The following SGCD variants were observed in gnomAD, a reference collection of about 807,000 sequenced individuals.
SGCD encodes the protein delta-sarcoglycan.
In SGCD, 18 loss-of-function variants were observed where a neutral mutation model predicts 36.6. The observed-to-expected ratio is 0.49, with a 90% CI of 0.34 to 0.73. SGCD has a LOEUF of 0.73. SGCD is among the 30% of genes least tolerant of loss of function. The probability of loss-of-function intolerance (pLI) is 0.01; values close to 1 mark genes in which losing one functional copy is unlikely to be tolerated. For missense variants in SGCD, 387 were observed against 346.7 expected, an observed-to-expected ratio of 1.12 and a Z score of -0.92; for synonymous variants, 133 against 130.6, an observed-to-expected ratio of 1.02 and a Z score of -0.12.
chr5:155,732,161 C>G, the SGCD span, among the ~76,000 whole-genome samples: 19 of 152,196 alleles, frequency 1.2e-4, no homozygotes, highest in African/African-American at 4.6e-4. Flanking sequence ...AGGGCATTGC[C>G]TTCAGCATTC....
intron 3 of SGCD, among the ~76,000 whole-genome samples, chr5:156,463,073 T>C (rs1016348637): frequency 9.2e-5 from 14 of 152,222 alleles, no homozygotes; most frequent in African/African-American, 2.9e-4. Context: ...AATGACACTT[T>C]GAAAGAGTGG....
chr5:155,921,303 T>C (rs1176222758), intron 1 of SGCD, among the ~76,000 whole-genome samples: 1 of 152,080 alleles, frequency 6.6e-6, no homozygotes, highest in Non-Finnish European at 1.5e-5. Context: ...CCAGATTTTG[T>C]TAGGTGAAGA....
chr5:156,356,862 G>A (rs2127727009), intron 3 of SGCD, among the ~76,000 whole-genome samples: 1 of 152,252 alleles, frequency 6.6e-6, no homozygotes, highest in South Asian at 2.1e-4. Flanking sequence ...AAGAGGAGGA[G>A]GCAATATGAT....
chr5:155,784,416 G>A, the SGCD span, among the ~76,000 whole-genome samples: 1 of 152,184 alleles, frequency 6.6e-6, no homozygotes, highest in African/African-American at 2.4e-5. Flanking sequence ...GTGAGCCGAA[G>A]GTGTCAGTAG....
At position 155,996,942 on chromosome 5, in the gene SGCD, CAGAT is replaced by C. The variant is rs1296302812; in HGVS notation, c.-281-120926_-281-120923del. ...ACAGGCAGGCAGACAGACAGACAGA[CAGAT>C]AGATAGATACCTATGTCTCCATTCT... On this transcript the variant is annotated intron_variant, in intron 1 of 9. Transcript: ENST00000517913. 3.1e-3 allele frequency among the ~76,000 whole-genome samples: 470 copies of C among 150,740 alleles called. 5 individuals are homozygous for C. The highest frequency in any genetic ancestry group is 2.0e-3 in the Non-Finnish European group (132 of 67,340).
chr5:156,296,563 G>A (rs185938018), intron 3 of SGCD, among the ~76,000 whole-genome samples: 33 of 152,152 alleles, frequency 2.2e-4, no homozygotes, highest in Non-Finnish European at 1.6e-4. Flanking sequence ...TTATTTAAAA[G>A]CATGTTGTCT....
intron 2 of SGCD, among the ~76,000 whole-genome samples, chr5:156,343,369 A>G (rs556125785): frequency 3.3e-5 from 5 of 152,212 alleles, no homozygotes; most frequent in Non-Finnish European, 5.9e-5. Context: ...GGGTCCTGTT[A>G]TCACATGGCT....
intron 1 of SGCD, among the ~76,000 whole-genome samples, chr5:155,924,461 A>G (rs1277314037): frequency 6.6e-6 from 1 of 152,226 alleles, no homozygotes; most frequent in African/African-American, 2.4e-5. Context: ...TTAGCCAGAG[A>G]GAGCCCCATG....
intron 1 of SGCD, among the ~76,000 whole-genome samples, chr5:155,982,515 C>T: frequency 6.6e-6 from 1 of 152,118 alleles, no homozygotes; most frequent in Non-Finnish European, 1.5e-5. Flanking sequence ...GGATTTGGTA[C>T]TCAAGGAGAC....
intron 3 of SGCD, among the ~76,000 whole-genome samples, chr5:156,278,353 A>C (rs1237563335): frequency 6.6e-6 from 1 of 152,186 alleles, no homozygotes; most frequent in East Asian, 1.9e-4. Context: ...TTTCAATGTT[A>C]TTCTGGTTGC....
intron 3 of SGCD, among the ~76,000 whole-genome samples, chr5:156,316,889 G>A (rs1344918320): frequency 1.3e-5 from 2 of 151,962 alleles, no homozygotes; most frequent in African/African-American, 4.8e-5. Flanking sequence ...TGATAATAGA[G>A]GCCTGGATTC....
At chr5:155,829,972 TAACC>T in the SGCD span, among the ~76,000 whole-genome samples, 1 of 152,188 alleles carries the variant, frequency 6.6e-6, no homozygotes, top group African/African-American at 2.4e-5. Context: ...ATTATACAAA[TAACC>T]AAAGTAACAA....
chr5:156,259,119 T>TTTATTTAC (rs1265951934), intron 3 of SGCD, among the ~76,000 whole-genome samples: 1 of 145,420 alleles, frequency 6.9e-6, no homozygotes, highest in Admixed American at 6.8e-5. Context: ...TGGCTGTTTA[T>TTTATTTAC]TTATTTATTT....
At chr5:156,049,333 TTAAAG>T (rs1295157613) in intron 1 of SGCD, among the ~76,000 whole-genome samples, 1 of 145,960 alleles carries the variant, frequency 6.9e-6, no homozygotes, top group Non-Finnish European at 1.5e-5. Context: ...CATATGAACT[TTAAAG>T]TAGTTTTTTC....
At chr5:156,752,084 G>A (rs749965857) in intron 7 of SGCD, among the ~76,000 whole-genome samples, 1 of 152,160 alleles carries the variant, frequency 6.6e-6, no homozygotes, top group African/African-American at 2.4e-5. Flanking sequence ...TAGGGAAATG[G>A]AATAAATTAC....
intron 6 of SGCD, among the ~76,000 whole-genome samples, chr5:156,611,446 C>A (rs1014960745): frequency 6.6e-6 from 1 of 152,138 alleles, no homozygotes; most frequent in African/African-American, 2.4e-5. Flanking sequence ...TTCTACCCTG[C>A]CCTGCAAGGT....
rs577930554 is a variant in SGCD, at chr5:156,318,970, C to T, written c.-43-10564C>T. On this transcript the variant is annotated intron_variant, in intron 3 of 9. Coordinates refer to the SGCD transcript ENST00000517913. ...TAGTTGAGTTGGAGTCTGATATGCT[C>T]ATCAAGTAGCCAATCTGTCTCTTTA... Among the ~76,000 whole-genome samples, 378 of 152,300 alleles carry T rather than the reference C, an allele frequency of 2.5e-3. 1 individual carries two copies. Among genetic ancestry groups the T allele is most frequent in the African/African-American group, 8.8e-3 (365 of 41,560 alleles).
At chr5:156,204,284 A>G (rs958457762) in intron 3 of SGCD, among the ~76,000 whole-genome samples, 3 of 151,942 alleles carry the variant, frequency 2.0e-5, no homozygotes, top group South Asian at 4.1e-4. Context: ...TAAGAATAAT[A>G]CTCCAAAATG....
intron 1 of SGCD, among the ~76,000 whole-genome samples, chr5:155,967,241 T>C (rs1435332874): frequency 6.6e-6 from 1 of 152,040 alleles, no homozygotes; most frequent in Non-Finnish European, 1.5e-5. Flanking sequence ...TGGGTGTCTC[T>C]GTCTATTTAA....
Sources: allele counts gnomAD v4.1 joint callset (sites outside exome capture counted in the v4.1 genomes callset), GRCh38; gene constraint gnomAD v4.1.1; transcripts MANE v1.5; gene names NCBI Gene and HGNC (gene_info 2026-07-23, HGNC 2026-07-21).